The following TENM4 variants were observed in gnomAD, a reference collection of about 807,000 sequenced individuals.
TENM4 encodes teneurin-4.
A neutral mutation model predicts 243.3 loss-of-function variants in TENM4; 82 were observed. That is an observed-to-expected ratio of 0.34 (90% CI 0.28 to 0.40). The LOEUF is 0.40. TENM4 is among the 10% of genes least tolerant of loss of function. TENM4 has a pLI of 1.00. For missense variants in TENM4, 3,138 were observed against 3,673.3 expected, an observed-to-expected ratio of 0.85 and a Z score of 3.77; for synonymous variants, 1,412 against 1,456.3, an observed-to-expected ratio of 0.97 and a Z score of 0.69.
intron 2 of TENM4, among the ~76,000 whole-genome samples, chr11:79,280,532 C>A (rs1160833882): frequency 6.6e-6 from 1 of 152,168 alleles, no homozygotes; most frequent in Non-Finnish European, 1.5e-5. Flanking sequence ...AGGGAAGAAG[C>A]GAGCCGGAGC....
At chr11:79,085,597 C>A (rs1860792356) in intron 4 of TENM4, among the ~76,000 whole-genome samples, 1 of 152,186 alleles carries the variant, frequency 6.6e-6, no homozygotes, top group Non-Finnish European at 1.5e-5. Context: ...CAATCCTATG[C>A]TTGGCACTTA....
chr11:78,669,214 G>C lies in TENM4; in HGVS notation c.7131C>G (p.Ile2377Met). The stretch of plus-strand genomic sequence containing the variant: ...CATAGGCTGTGTACAGGATTTGCTT[G>C]ATCATCAAACCTGTTCCACTAAAGA... ...LAVFSGTGLMIKQILYTAYGE... is the reference protein window; with the variant it reads ...LAVFSGTGLMMKQILYTAYGE... Residue 2377 changes from isoleucine (I) to methionine (M), a missense_variant, in exon 32 of 34, where the codon ATC (isoleucine) becomes ATG (methionine). Ile to Met is a conservative substitution (Grantham distance 10, BLOSUM62 1). This residue lies in a region of TENM4 where 2,467 missense variants were observed against 3,059.1 expected (regional missense o/e 0.81). Coordinates refer to ENST00000278550, the MANE Select transcript of TENM4 (RefSeq NM_001098816.3). The surrounding 1 kb of genome is among the most constrained non-coding windows in gnomAD (Gnocchi z 6.4). The C allele has an allele frequency of 6.2e-7, 1 of 1,613,936 alleles. No homozygotes were observed. Among genetic ancestry groups the C allele is most frequent in the Non-Finnish European group, 8.5e-7 (1 of 1,179,888 alleles).
chr11:78,942,344 G>T (rs943598315), intron 6 of TENM4, among the ~76,000 whole-genome samples: 1 of 146,246 alleles, frequency 6.8e-6, no homozygotes, highest in Non-Finnish European at 1.5e-5. Context: ...TAATTGGATG[G>T]CTGAGTGGGA....
At chr11:78,778,549 T>C (rs1856782136) in intron 17 of TENM4, 53 bp downstream of exon 17, 1 of 1,572,582 alleles carries the variant, frequency 6.4e-7, no homozygotes, top group South Asian at 1.1e-5. Context: ...TTTATACTCA[T>C]ACACAAACAC....
chr11:79,127,696 T>G (rs182366114), intron 4 of TENM4, among the ~76,000 whole-genome samples: 1 of 152,342 alleles, frequency 6.6e-6, no homozygotes, highest in African/African-American at 2.4e-5. Context: ...GTCCATTACA[T>G]TGATGACCTT....
chr11:79,077,565 A>G (rs1297013976), intron 4 of TENM4, among the ~76,000 whole-genome samples: 1 of 152,188 alleles, frequency 6.6e-6, no homozygotes, highest in Admixed American at 6.5e-5. Context: ...CAAGGGTGAA[A>G]TCTGATATTT....
At chr11:78,910,798 G>A (rs184877221) in intron 6 of TENM4, among the ~76,000 whole-genome samples, 29 of 152,252 alleles carry the variant, frequency 1.9e-4, no homozygotes, top group African/African-American at 6.3e-4. Flanking sequence ...TCCTTCTCCG[G>A]ACAAAATGGT....
chr11:78,971,947 T>C (rs1489455435), intron 6 of TENM4, among the ~76,000 whole-genome samples: 2 of 152,206 alleles, frequency 1.3e-5, no homozygotes, highest in African/African-American at 4.8e-5. Flanking sequence ...AAGAGCATGA[T>C]GCAAAACTGC....
At chr11:78,959,600 A>T (rs973885844) in intron 6 of TENM4, among the ~76,000 whole-genome samples, 2 of 152,012 alleles carry the variant, frequency 1.3e-5, no homozygotes, top group Admixed American at 1.3e-4. Context: ...AAGGACCCAG[A>T]CTCTTCCTTC....
chr11:79,424,134 C>A (rs566777740), intron 1 of TENM4, among the ~76,000 whole-genome samples: 1 of 152,184 alleles, frequency 6.6e-6, no homozygotes, highest in Non-Finnish European at 1.5e-5. Context: ...CAACCAGGGA[C>A]GGACAATCTT....
chr11:78,785,389 C>T (rs1460836129), intron 16 of TENM4, among the ~76,000 whole-genome samples: 3 of 152,124 alleles, frequency 2.0e-5, no homozygotes, highest in Admixed American at 6.5e-5. Context: ...GCAGCTGCCA[C>T]GACAGGGCAC....
At chr11:79,051,784 T>C (rs1382892730) in intron 6 of TENM4, among the ~76,000 whole-genome samples, 1 of 152,184 alleles carries the variant, frequency 6.6e-6, no homozygotes, top group Non-Finnish European at 1.5e-5. Flanking sequence ...TGCACCAACC[T>C]CCAACAGACC....
In TENM4 at chr11:78,792,879, GAC is replaced by G. The variant is rs1206707061; in HGVS notation, c.2180-5798_2180-5797del. Among the ~76,000 whole-genome samples the G allele has an allele frequency of 1.1e-4, 16 of 152,286 alleles. No individual in the cohort carries two copies. The South Asian group carries it at 1.9e-3, about 18-fold the overall frequency. ...CAATGCCTCAGTCCTTACACCCACA[GAC>G]ACATCTTCTTCATGCTAATGCCCAA... On this transcript the variant is annotated intron_variant, in intron 15 of 33. Coordinates refer to ENST00000278550, the MANE Select transcript of TENM4 (RefSeq NM_001098816.3).
intron 1 of TENM4, among the ~76,000 whole-genome samples, chr11:79,395,842 G>A (rs1026599902): frequency 6.6e-6 from 1 of 152,112 alleles, no homozygotes; most frequent in South Asian, 2.1e-4. Flanking sequence ...GCCTGTTCTG[G>A]AACTCTGTAC....
At chr11:79,185,717 T>C (rs1863369618) in intron 3 of TENM4, among the ~76,000 whole-genome samples, 1 of 152,334 alleles carries the variant, frequency 6.6e-6, no homozygotes, top group Middle Eastern at 3.4e-3. Flanking sequence ...CCCCAAATTC[T>C]TCATTCTGAT....
intron 1 of TENM4, among the ~76,000 whole-genome samples, chr11:79,386,938 G>C (rs1858127284): frequency 2.0e-5 from 3 of 152,120 alleles, no homozygotes; most frequent in African/African-American, 7.2e-5. Flanking sequence ...AGTACCAAAA[G>C]ACATGCATAA....
At chr11:79,030,736 C>T (rs768181796) in intron 6 of TENM4, among the ~76,000 whole-genome samples, 19 of 152,224 alleles carry the variant, frequency 1.2e-4, no homozygotes, top group Non-Finnish European at 2.2e-4. Flanking sequence ...CCAGCCCAGC[C>T]GACTCCTGTC....
At chr11:78,811,170 T>C (rs537030268) in intron 14 of TENM4, among the ~76,000 whole-genome samples, 76 of 152,284 alleles carry the variant, frequency 5.0e-4, no homozygotes, top group African/African-American at 1.8e-3. Flanking sequence ...CTGAGGCTAG[T>C]TAGTGGCAGG....
intron 3 of TENM4, among the ~76,000 whole-genome samples, chr11:79,156,769 A>C (rs1862628797): frequency 6.6e-6 from 1 of 152,224 alleles, no homozygotes; most frequent in Admixed American, 6.5e-5. Context: ...CAAAGAAAAA[A>C]TAATCAATAC....
Sources: allele counts gnomAD v4.1 joint callset (sites outside exome capture counted in the v4.1 genomes callset), GRCh38; gene constraint gnomAD v4.1.1; regional missense constraint gnomAD v4.1.1; non-coding constraint Gnocchi (gnomAD v3.1); transcripts MANE v1.5; gene names NCBI Gene and HGNC (gene_info 2026-07-23, HGNC 2026-07-21).